Variants in CSMD2 observed in about 807,000 individuals in gnomAD.
The protein encoded by CSMD2 is CUB and Sushi multiple domains 2, also known as CUB and sushi domain-containing protein 2.
Under a neutral mutation model 398.5 loss-of-function variants are expected in CSMD2, and 130 were observed. That is an observed-to-expected ratio of 0.33 (90% CI 0.28 to 0.38). The LOEUF is 0.38. Ranked by LOEUF, CSMD2 falls within the 10% of genes least tolerant of loss-of-function variation. The probability of loss-of-function intolerance (pLI) is 1.00; values close to 1 mark genes in which losing one functional copy is unlikely to be tolerated. For synonymous variants in CSMD2, 1,828 were observed against 1,908.5 expected (o/e 0.96, Z 1.10); for missense variants, 3,829 against 4,764.9 (o/e 0.80, Z 5.78).
chr1:33,616,685 C>T (rs1641412600), intron 39 of CSMD2, among the ~76,000 whole-genome samples: 1 of 152,198 alleles, frequency 6.6e-6, no homozygotes, highest in Admixed American at 6.5e-5. Context: ...GGCAGACCTC[C>T]TGTAACTTTT....
chr1:33,625,170 C>T lies in CSMD2; in HGVS notation c.5381G>A (p.Gly1794Glu). ...GTTGCATTCGAAGCGGACGATGGCC[C>T]CCACCGAGAAGTCACTGCCCAGCCT... ...GKRLGSDFSV[G>E]AIVRFECNSG... The change falls in exon 34 of 71, where the codon GGG (glycine) becomes GAG (glutamate). Residue 1794 changes from glycine to glutamate, a missense_variant. This residue lies in a region of CSMD2 where 2,001 missense variants were observed against 2,567.1 expected (regional missense o/e 0.78). Coordinates refer to ENST00000373381, the MANE Select transcript of CSMD2 (RefSeq NM_001281956.2). 2 of 1,566,508 alleles carry T rather than the reference C, an allele frequency of 1.3e-6. No homozygotes were observed. The highest frequency in any genetic ancestry group is 3.0e-5 in the African/African-American group (2 of 65,638).
At chr1:33,790,346 G>A (rs1654080505) in intron 11 of CSMD2, among the ~76,000 whole-genome samples, 1 of 152,194 alleles carries the variant, frequency 6.6e-6, no homozygotes, top group Non-Finnish European at 1.5e-5. Context: ...CCTCTCCAAG[G>A]TGGGTGGACC....
At chr1:33,709,547 T>TTTTCC in intron 21 of CSMD2, 1 of 480,916 alleles carries the variant, frequency 2.1e-6, no homozygotes, top group Non-Finnish European at 3.6e-6. Flanking sequence ...TCCTTTACAA[T>TTTTCC]TTCTCAGTGC....
At chr1:33,991,180 C>T (rs1316939731) in intron 3 of CSMD2, among the ~76,000 whole-genome samples, 1 of 151,986 alleles carries the variant, frequency 6.6e-6, no homozygotes, top group Admixed American at 6.6e-5. Context: ...TGATATTTTT[C>T]ATTTTTTGTA....
At chr1:33,986,260 T>C (rs185325196) in intron 3 of CSMD2, among the ~76,000 whole-genome samples, 1 of 152,242 alleles carries the variant, frequency 6.6e-6, no homozygotes, top group Admixed American at 6.5e-5. Context: ...CCCTCCTACC[T>C]CTACTCTCTC....
At chr1:33,651,925 G>T (rs181700701) in intron 28 of CSMD2, among the ~76,000 whole-genome samples, 4 of 151,320 alleles carry the variant, frequency 2.6e-5, no homozygotes, top group African/African-American at 7.3e-5. Context: ...GAGCTAGATT[G>T]GGGGGGGTGC....
intron 5 of CSMD2, among the ~76,000 whole-genome samples, chr1:33,850,713 C>T (rs1362670618): frequency 6.6e-6 from 1 of 151,760 alleles, no homozygotes; most frequent in Non-Finnish European, 1.5e-5. Context: ...ATTGCTATTG[C>T]AGTACAACAT....
chr1:33,760,396 C>T (rs969128058), intron 13 of CSMD2, among the ~76,000 whole-genome samples: 6 of 152,172 alleles, frequency 3.9e-5, no homozygotes, highest in African/African-American at 1.4e-4. Context: ...GGCCTCCTGC[C>T]CTATGCTACT....
intron 13 of CSMD2, 47 bp from the exon 14 acceptor site, chr1:33,743,653 G>T: frequency 7.3e-7 from 1 of 1,373,156 alleles, no homozygotes; most frequent in Non-Finnish European, 1.0e-6. Flanking sequence ...CCAACATTCT[G>T]CCTGCACCAC....
intron 20 of CSMD2, 84 bp from the exon 21 acceptor site, chr1:33,714,859 CA>C (rs1646115126): frequency 7.2e-7 from 1 of 1,379,590 alleles, no homozygotes; most frequent in Admixed American, 1.9e-5. Context: ...GGCAAAACAC[CA>C]GGGGGAAAGG....
chr1:33,977,666 TG>T, intron 3 of CSMD2, among the ~76,000 whole-genome samples: 1 of 152,004 alleles, frequency 6.6e-6, no homozygotes, highest in East Asian at 2.0e-4. Flanking sequence ...TGCCAGCTCC[TG>T]CTCCTGCTGC....
intron 5 of CSMD2, among the ~76,000 whole-genome samples, chr1:33,878,707 G>T (rs1205710381): frequency 6.6e-6 from 1 of 152,208 alleles, no homozygotes; most frequent in East Asian, 1.9e-4. Flanking sequence ...GACACCTTAG[G>T]GAGGCCTGAG....
At chr1:33,527,746 A>G (rs1654902791) in intron 64 of CSMD2, among the ~76,000 whole-genome samples, 1 of 152,182 alleles carries the variant, frequency 6.6e-6, no homozygotes, top group Non-Finnish European at 1.5e-5. Flanking sequence ...AGGAGAGGCT[A>G]CATTTCAGTA....
intron 49 of CSMD2, 101 bp from the exon 50 acceptor site, chr1:33,572,792 A>C (rs941044623): frequency 7.0e-6 from 6 of 861,708 alleles, no homozygotes; most frequent in Middle Eastern, 2.4e-4. Context: ...TTATTAGTAA[A>C]AACTAATTAA....
intron 5 of CSMD2, among the ~76,000 whole-genome samples, chr1:33,916,931 C>T (rs540370960): frequency 3.9e-5 from 6 of 152,046 alleles, no homozygotes; most frequent in Non-Finnish European, 7.4e-5. Context: ...GCCCCATTCC[C>T]CTCCTTTTCT....
Position 33,846,949 on chromosome 1 carries a change from C to A in CSMD2, c.968G>T (p.Trp323Leu). ...ATCCGATGTGAAGTGCAGTCGCAGC[C>A]AGTTCTTGCTGCTGATAACGGGGGC... ...LPAPVISSKN[W>L]LRLHFTSDGN... Residue 323 changes from tryptophan (W) to leucine (L), a missense_variant, in exon 6 of 71, where the codon TGG becomes TTG. Trp to Leu is a moderately conservative substitution (Grantham distance 61). Coordinates refer to ENST00000373381, the MANE Select transcript of CSMD2 (RefSeq NM_001281956.2). 1 of 1,610,678 alleles carries A rather than the reference C, an allele frequency of 6.2e-7. No homozygotes were observed. The highest frequency in any genetic ancestry group is 8.5e-7 in the Non-Finnish European group (1 of 1,178,396).
At position 33,616,928 on chromosome 1, in the gene CSMD2, G is replaced by T; in HGVS notation, c.5994C>A (p.Asn1998Lys). Residue 1998 changes from asparagine to lysine, a missense_variant, in exon 39 of 71, where the codon AAC becomes AAA. Coordinates refer to ENST00000373381, the MANE Select transcript of CSMD2 (RefSeq NM_001281956.2). ...SCMPGTVRRW[N>K]YPPPLCIAQC... Reference sequence around the variant, plus strand: ...TACCAATACAGAGTGGAGGAGGGTAGTTCCATCGCCGCACTGTTCCGGGCA... The same window carrying T: ...TACCAATACAGAGTGGAGGAGGGTATTTCCATCGCCGCACTGTTCCGGGCA... 1 of 1,614,166 alleles carries T rather than the reference G, an allele frequency of 6.2e-7. No individual in the cohort carries two copies. The highest frequency in any genetic ancestry group is 8.5e-7 in the Non-Finnish European group (1 of 1,179,980).
In CSMD2 at chr1:33,563,748, C is replaced by T. The variant is rs373708661; in HGVS notation, c.8380+3845G>A. On this transcript the variant is annotated intron_variant, in intron 53 of 70. Coordinates refer to ENST00000373381, the MANE Select transcript of CSMD2 (RefSeq NM_001281956.2). ...TATTTGCTGAGAACGTAGGTAGGGG[C>T]GATGGAATATAAGTCTTCAGAAAGG... Among the ~76,000 whole-genome samples, 20 of 151,962 alleles carry T rather than the reference C, an allele frequency of 1.3e-4. No homozygotes were observed. In the East Asian group the frequency reaches 2.5e-3, roughly 19 times the overall value.
intron 24 of CSMD2, 31 bp downstream of exon 24, chr1:33,698,722 A>C (rs1454715310): frequency 8.2e-6 from 13 of 1,591,062 alleles, no homozygotes; most frequent in Non-Finnish European, 1.1e-5. Flanking sequence ...GGGAGACCCA[A>C]GGGTTCCCTG....
Sources: gnomAD v4.1 joint callset for allele counts (sites outside exome capture counted in the v4.1 genomes callset) on GRCh38, gnomAD v4.1.1 for gene constraint, gnomAD v4.1.1 regional missense constraint, MANE v1.5 for transcripts, NCBI Gene and HGNC (gene_info 2026-07-23, HGNC 2026-07-21) for gene names.